Variants in RSPO2 observed in about 807,000 individuals in gnomAD.
The protein encoded by RSPO2 is R-spondin 2, also known as R-spondin-2.
In RSPO2, 14 loss-of-function variants were observed where a neutral mutation model predicts 30.9. The observed-to-expected ratio is 0.45, with a 90% CI of 0.30 to 0.71. The LOEUF (loss-of-function observed/expected upper bound fraction) is 0.71, where lower values mean the gene tolerates loss of function less well. Among genes scored for constraint, RSPO2 ranks in the 30% least tolerant of loss-of-function variants. The pLI is 0.08. For synonymous variants in RSPO2, 107 were observed against 96.4 expected (o/e 1.11, Z -0.64); for missense variants, 264 against 301.9 (o/e 0.87, Z 0.93).
At chr8:108,058,655 G>C (rs1452862490) in intron 2 of RSPO2, among the ~76,000 whole-genome samples, 9 of 151,868 alleles carry the variant, frequency 5.9e-5, no homozygotes, top group Non-Finnish European at 1.2e-4. Context: ...CAGAGATATA[G>C]ATCAATGGAA....
chr8:107,960,090 T>G (rs1813574507), intron 4 of RSPO2, among the ~76,000 whole-genome samples: 1 of 152,102 alleles, frequency 6.6e-6, no homozygotes, highest in African/African-American at 2.4e-5. Flanking sequence ...GCCAAGGTAT[T>G]TTACCAACTC....
chr8:107,993,092 C>G (rs1364039357), intron 2 of RSPO2, among the ~76,000 whole-genome samples: 1 of 152,040 alleles, frequency 6.6e-6, no homozygotes, highest in East Asian at 1.9e-4. Flanking sequence ...AGTTTTGAAA[C>G]TAAATATCTT....
chr8:107,980,379 G>T (rs866943479), intron 3 of RSPO2, among the ~76,000 whole-genome samples: 1 of 152,114 alleles, frequency 6.6e-6, no homozygotes, highest in East Asian at 1.9e-4. Context: ...TACTAATACT[G>T]TTGGGAAAAC....
At chr8:108,000,008 T>A (rs1346033717) in intron 2 of RSPO2, among the ~76,000 whole-genome samples, 1 of 152,090 alleles carries the variant, frequency 6.6e-6, no homozygotes, top group Non-Finnish European at 1.5e-5. Context: ...ACAGGAATGA[T>A]CTATGAGGTA....
intron 2 of RSPO2, among the ~76,000 whole-genome samples, chr8:108,009,936 C>G (rs560915530): frequency 6.6e-6 from 1 of 151,800 alleles, no homozygotes; most frequent in Non-Finnish European, 1.5e-5. Flanking sequence ...GTAGTCCCAG[C>G]TACTTGCGAG....
chr8:108,057,951 A>T (rs1812310137), intron 2 of RSPO2, among the ~76,000 whole-genome samples: 1 of 152,132 alleles, frequency 6.6e-6, no homozygotes, highest in Non-Finnish European at 1.5e-5. Flanking sequence ...TCTTTTCCTA[A>T]TTGAAAACCC....
chr8:107,909,465 G>A (rs1420254192), intron 5 of RSPO2, among the ~76,000 whole-genome samples: 1 of 151,976 alleles, frequency 6.6e-6, no homozygotes. Context: ...TTTTCACCAT[G>A]TTGGTCAGGC....
At chr8:107,947,318 G>A (rs1475374978) in intron 5 of RSPO2, among the ~76,000 whole-genome samples, 1 of 152,170 alleles carries the variant, frequency 6.6e-6, no homozygotes, top group African/African-American at 2.4e-5. Flanking sequence ...TGGCAAGCTA[G>A]AAAATAGGAA....
At chr8:108,060,197 T>A (rs7819391) in intron 2 of RSPO2, among the ~76,000 whole-genome samples, 1 of 151,362 alleles carries the variant, frequency 6.6e-6, no homozygotes, top group African/African-American at 2.4e-5. Context: ...TGACTTTGAC[T>A]AGTTGAGAGA....
intron 5 of RSPO2, among the ~76,000 whole-genome samples, chr8:107,927,618 T>G (rs1007832993): frequency 4.6e-5 from 7 of 152,156 alleles, no homozygotes; most frequent in African/African-American, 1.7e-4. Flanking sequence ...GGCTACTGAA[T>G]TTTGTCAAAG....
chr8:107,901,230 C>G (rs1395557047), intron 5 of RSPO2, 40 bp from the exon 6 acceptor site: 1 of 1,571,204 alleles, frequency 6.4e-7, no homozygotes, highest in Admixed American at 1.9e-5. Context: ...TCAGAAATGG[C>G]TCTTTCTCTA....
intron 2 of RSPO2, among the ~76,000 whole-genome samples, chr8:108,015,774 C>A (rs2443784): frequency 2.0e-5 from 3 of 152,010 alleles, no homozygotes; most frequent in South Asian, 2.1e-4. Context: ...ATTTGAAATC[C>A]AGCCCAGTTC....
At chr8:107,989,822 G>A (rs1241507856) in intron 2 of RSPO2, among the ~76,000 whole-genome samples, 1 of 152,064 alleles carries the variant, frequency 6.6e-6, no homozygotes, top group Non-Finnish European at 1.5e-5. Flanking sequence ...CCAGATCCAG[G>A]AAAACCCAGA....
At chr8:107,924,251 G>A (rs1812283095) in intron 5 of RSPO2, among the ~76,000 whole-genome samples, 1 of 151,940 alleles carries the variant, frequency 6.6e-6, no homozygotes, top group Non-Finnish European at 1.5e-5. Flanking sequence ...ACACAAAAAG[G>A]AATGCTGAGG....
At chr8:108,076,793 A>T (rs1161751517) in intron 2 of RSPO2, among the ~76,000 whole-genome samples, 1 of 152,200 alleles carries the variant, frequency 6.6e-6, no homozygotes, top group Non-Finnish European at 1.5e-5. Flanking sequence ...TTGAGCCTAG[A>T]ATTAAAGGAC....
At chr8:108,003,275 GTGTATATATATATATATATATATA>G (rs1815316386) in intron 2 of RSPO2, among the ~76,000 whole-genome samples, 14 of 65,644 alleles carry the variant, frequency 2.1e-4, no homozygotes, top group South Asian at 5.1e-4. Context: ...GTGTGTGTGT[GTGTATATATATATATATATATATA>G]TATATATATA....
chr8:107,905,851 T>C (rs1176420026), intron 5 of RSPO2, among the ~76,000 whole-genome samples: 1 of 151,930 alleles, frequency 6.6e-6, no homozygotes, highest in African/African-American at 2.4e-5. Flanking sequence ...AGACTAGTGA[T>C]TGTCTAGAAA....
At position 108,060,709 on chromosome 8, in the gene RSPO2, A is replaced by G. The variant is rs959571534; in HGVS notation, c.94+21836T>C. Among the ~76,000 whole-genome samples the G allele has an allele frequency of 2.0e-5, 3 of 151,844 alleles. No individual in the cohort carries two copies. The East Asian group carries it at 5.8e-4, about 29-fold the overall frequency. On this transcript the variant is annotated intron_variant, in intron 2 of 5. Transcript: ENST00000276659. ...CGCCACAAAGATACCCCTCGAGGAGAGCAACTCCAAGACACGTAATTGTCA... is the reference window on the plus strand; with the variant it reads ...CGCCACAAAGATACCCCTCGAGGAGGGCAACTCCAAGACACGTAATTGTCA...
intron 3 of RSPO2, among the ~76,000 whole-genome samples, chr8:107,961,032 C>G (rs977892177): frequency 6.6e-6 from 1 of 152,110 alleles, no homozygotes; most frequent in Admixed American, 6.6e-5. Context: ...AGAGAGAATG[C>G]CAGCCCAGGG....
Sources: allele counts gnomAD v4.1 joint callset (sites outside exome capture counted in the v4.1 genomes callset), GRCh38; gene constraint gnomAD v4.1.1; transcripts MANE v1.5; gene names NCBI Gene and HGNC (gene_info 2026-07-23, HGNC 2026-07-21).